Variants in ASB5 observed in about 807,000 individuals in gnomAD.
ASB5 encodes the protein ankyrin repeat and SOCS box protein 5.
Under a neutral mutation model 42.1 loss-of-function variants are expected in ASB5, and 45 were observed. The ratio of observed to expected loss-of-function variants is 1.07; its 90% CI spans 0.84 to 1.37. The LOEUF (loss-of-function observed/expected upper bound fraction) is 1.37, where lower values mean the gene tolerates loss of function less well. Among genes scored for constraint, ASB5 ranks in the 40% most tolerant of loss-of-function variants. ASB5 has a pLI of 0.00. For missense variants in ASB5, 402 were observed against 399.8 expected (o/e 1.01, Z -0.05); for synonymous variants, 147 against 150.6 (o/e 0.98, Z 0.18).
upstream of ASB5, among the ~76,000 whole-genome samples, chr4:176,273,924 A>C (rs1754519484): frequency 6.6e-6 from 1 of 152,214 alleles, no homozygotes; most frequent in African/African-American, 2.4e-5. Context: ...TTTTCTTATA[A>C]ACCCAGCATT....
intron 1 of ASB5, among the ~76,000 whole-genome samples, chr4:176,265,745 T>A (rs1754344239): frequency 6.6e-6 from 1 of 152,156 alleles, no homozygotes; most frequent in African/African-American, 2.4e-5. Flanking sequence ...TACTGTGTAA[T>A]ATTTCAGTGT....
rs565174139 is a variant in ASB5, at chr4:176,274,821, A to G, written c.-90+975T>C. ...AGACTATTGAAAGGGAAACCTTTCA[A>G]TGACATCATTTTGAAGATCCAAAGC... On this transcript the variant is annotated intron_variant, in intron 2 of 2. Transcript: ENST00000505299. 2.0e-5 allele frequency among the ~76,000 whole-genome samples: 3 copies of G among 152,296 alleles called. No homozygotes were observed. In the East Asian group the frequency reaches 5.8e-4, roughly 29 times the overall value.
intron 1 of ASB5, among the ~76,000 whole-genome samples, chr4:176,249,834 G>A (rs34796979): frequency 0.027 from 4,181 of 152,136 alleles, 202 homozygotes; most frequent in African/African-American, 0.094. Flanking sequence ...GGGAGGCCGA[G>A]GCGGGTGGAT....
At chr4:176,275,031 C>T (rs932061140) in intron 2 of ASB5, among the ~76,000 whole-genome samples, 8 of 151,056 alleles carry the variant, frequency 5.3e-5, no homozygotes, top group African/African-American at 1.2e-4. Flanking sequence ...TCTCCTGCCT[C>T]AGCCTCCTGA....
chr4:176,255,377 A>G (rs1754134838), intron 1 of ASB5, among the ~76,000 whole-genome samples: 1 of 152,206 alleles, frequency 6.6e-6, no homozygotes, highest in African/African-American at 2.4e-5. Flanking sequence ...ATATACCTAA[A>G]AGAAACTGTT....
exon 1 of ASB5, chr4:176,277,265 CA>C (rs1754578171): frequency 6.6e-6 from 1 of 152,214 alleles, no homozygotes; most frequent in African/African-American, 2.4e-5. Context: ...CTCCGCGTCG[CA>C]AGTCAAGATG....
At chr4:176,218,552 TATATATATTTGTATGATATATAA>T in intron 5 of ASB5, among the ~76,000 whole-genome samples, 6 of 94,120 alleles carry the variant, frequency 6.4e-5, no homozygotes, top group African/African-American at 2.2e-4. Context: ...ATTTGTATGA[TATATATATTTGTATGATATATAA>T]ATATATATAT....
chr4:176,256,891 C>G (rs1754167348), intron 1 of ASB5, among the ~76,000 whole-genome samples: 1 of 152,120 alleles, frequency 6.6e-6, no homozygotes, highest in African/African-American at 2.4e-5. Flanking sequence ...GAGCCAATAT[C>G]GCACCACTGC....
At chr4:176,269,709 C>G (rs114433990), upstream of ASB5, among the ~76,000 whole-genome samples, 7 of 152,272 alleles carry the variant, frequency 4.6e-5, no homozygotes, top group African/African-American at 1.7e-4. Flanking sequence ...TAACACGGTT[C>G]CTTCATCCAA....
At chr4:176,219,615 T>TATATATATAC (rs1753142283) in intron 5 of ASB5, among the ~76,000 whole-genome samples, 1 of 115,522 alleles carries the variant, frequency 8.7e-6, no homozygotes, top group Non-Finnish European at 1.7e-5. Context: ...TATATATATA[T>TATATATATAC]ATAGGCTGGA....
At chr4:176,239,288 T>C (rs1753761571) in intron 1 of ASB5, among the ~76,000 whole-genome samples, 1 of 152,216 alleles carries the variant, frequency 6.6e-6, no homozygotes, top group Admixed American at 6.5e-5. Context: ...AATTTTTGTT[T>C]AAAATTAAAT....
chr4:176,272,094 G>A (rs1458319303), upstream of ASB5, among the ~76,000 whole-genome samples: 2 of 152,158 alleles, frequency 1.3e-5, no homozygotes, highest in Non-Finnish European at 2.9e-5. Flanking sequence ...CTTTATGTGC[G>A]CTTACTAAGT....
At chr4:176,230,385 C>T (rs2126954092) in intron 1 of ASB5, among the ~76,000 whole-genome samples, 1 of 152,094 alleles carries the variant, frequency 6.6e-6, no homozygotes, top group Middle Eastern at 3.4e-3. Flanking sequence ...AGCCAGCAAC[C>T]AACAACTGCT....
At chr4:176,232,802 T>A (rs1461258007) in intron 1 of ASB5, among the ~76,000 whole-genome samples, 2 of 152,326 alleles carry the variant, frequency 1.3e-5, no homozygotes, top group East Asian at 3.9e-4. Context: ...ACTTCTCTAT[T>A]GGTTTAAACA....
chr4:176,241,552 A>G (rs1753812653), intron 1 of ASB5: 1 of 1,525,712 alleles, frequency 6.6e-7, no homozygotes, highest in South Asian at 1.2e-5. Flanking sequence ...GGGTTTCTTT[A>G]CAAGGCCGTG....
rs1428946984 is a variant in ASB5 at position 176,218,030 on chromosome 4, A to G, written c.671-1021T>C. Among the ~76,000 whole-genome samples, 10 of 150,964 alleles carry G rather than the reference A, an allele frequency of 6.6e-5. No individual in the cohort carries two copies. The East Asian group carries it at 1.9e-3, about 29-fold the overall frequency. On this transcript the variant is annotated intron_variant, in intron 5 of 6. Coordinates refer to ENST00000296525, the MANE Select transcript of ASB5 (RefSeq NM_080874.4). ...AATTATATTCCATAACAAAATTTCC[A>G]TAAAGAAAGCATAAACTTTGTTGGT...
Position 176,269,139 on chromosome 4 carries a change from T to C in ASB5, c.-31A>G, listed in dbSNP as rs780705210. ...CAGAAGAATCTGCGGCGGTCTTTAG[T>C]TGGATCCAAGTCTCAAATGTGCCTG... On this transcript the variant is annotated 5_prime_UTR_variant, in exon 1 of 7. Transcript: ENST00000296525. 4 of 1,591,420 alleles carry C rather than the reference T, an allele frequency of 2.5e-6. No individual in the cohort carries two copies. In the Admixed American group the frequency reaches 5.1e-5, roughly 20 times the overall value.
intron 1 of ASB5, chr4:176,241,490 A>C: frequency 6.5e-7 from 1 of 1,535,732 alleles, no homozygotes; most frequent in Non-Finnish European, 8.7e-7. Flanking sequence ...CACCATTGCA[A>C]AGAGGCATCT....
chr4:176,228,088 G>A (rs1753428838), intron 1 of ASB5, among the ~76,000 whole-genome samples: 1 of 152,136 alleles, frequency 6.6e-6, no homozygotes, highest in Admixed American at 6.5e-5. Flanking sequence ...GGAGGCAAAG[G>A]CTAACTATGA....
Sources: allele counts gnomAD v4.1 joint callset (sites outside exome capture counted in the v4.1 genomes callset), GRCh38; gene constraint gnomAD v4.1.1; transcripts MANE v1.5; gene names NCBI Gene and HGNC (gene_info 2026-07-23, HGNC 2026-07-21).